Variants in BBX observed in about 807,000 individuals in gnomAD.
BBX encodes the protein HMG box transcription factor BBX.
A neutral mutation model predicts 100.2 loss-of-function variants in BBX; 30 were observed. That is an observed-to-expected ratio of 0.30 (90% CI 0.22 to 0.41). The LOEUF (loss-of-function observed/expected upper bound fraction) is 0.41. Ranked by LOEUF, BBX falls within the 10% of genes least tolerant of loss-of-function variation. BBX has a pLI of 1.00. For missense variants in BBX, 1,023 were observed against 1,129.8 expected (o/e 0.91, Z 1.35); for synonymous variants, 376 against 388.1 (o/e 0.97, Z 0.37).
intron 7 of BBX, among the ~76,000 whole-genome samples, chr3:107,741,814 T>C (rs1343072216): frequency 2.6e-5 from 4 of 152,224 alleles, no homozygotes; most frequent in Non-Finnish European, 2.9e-5. Flanking sequence ...ATGACATTAC[T>C]CAAATGGGAG....
rs369837058 is a variant in BBX, at chr3:107,797,337, A to AATATAT, written c.2354-1164_2354-1159dup. ...TCCTCTTAGTTTAGCTTTTCTTCCA[A>AATATAT]ATATATATATATATATATATATATA... On this transcript the variant is annotated intron_variant, in intron 15 of 17. Transcript: ENST00000325805. Among the ~76,000 whole-genome samples the AATATAT allele has an allele frequency of 6.5e-3, 255 of 39,340 alleles. 24 individuals carry two copies. Among genetic ancestry groups the AATATAT allele is most frequent in the East Asian group, 0.013 (8 of 636 alleles). 25.8% of individuals were successfully genotyped at this position (39,340 alleles called of 152,430 possible).
intron 2 of BBX, among the ~76,000 whole-genome samples, chr3:107,583,920 TTA>T (rs1179977926): frequency 1.1e-5 from 1 of 89,484 alleles, no homozygotes; most frequent in Non-Finnish European, 2.0e-5. Flanking sequence ...AAATTATACT[TTA>T]TATATAATAT....
intron 2 of BBX, among the ~76,000 whole-genome samples, chr3:107,585,142 C>G (rs1028244259): frequency 6.6e-6 from 1 of 151,976 alleles, no homozygotes; most frequent in African/African-American, 2.4e-5. Context: ...CAGTAATCCA[C>G]GTGGAGGAAA....
chr3:107,690,493 T>C (rs960326028), intron 3 of BBX, among the ~76,000 whole-genome samples: 4 of 152,178 alleles, frequency 2.6e-5, no homozygotes, highest in Admixed American at 1.3e-4. Context: ...AAAAATGATA[T>C]TGTATTTGAA....
intron 2 of BBX, among the ~76,000 whole-genome samples, chr3:107,532,939 T>C (rs1389967004): frequency 1.3e-5 from 2 of 152,164 alleles, no homozygotes. Context: ...TGGAAATAGA[T>C]TCACAATCTT....
Position 107,710,456 on chromosome 3 carries a change from C to T in BBX, c.-5C>T, listed in dbSNP as rs371658392. The T allele has an allele frequency of 2.2e-5, 36 of 1,609,466 alleles. No homozygotes were observed. Among genetic ancestry groups the T allele is most frequent in the Admixed American group, 3.4e-5 (2 of 59,634 alleles). On this transcript the variant is annotated 5_prime_UTR_variant, in exon 4 of 18. Coordinates refer to ENST00000325805, the MANE Select transcript of BBX (RefSeq NM_001142568.3). ...CTCTCTCTCTTCCTATTACAGGTCA[C>T]AGTAATGAAAGGCAGTAATAGAAAT...
chr3:107,677,109 A>G (rs1056981028), intron 3 of BBX, among the ~76,000 whole-genome samples: 1 of 152,046 alleles, frequency 6.6e-6, no homozygotes, highest in African/African-American at 2.4e-5. Flanking sequence ...AAACGTTTCT[A>G]GAACATTCCT....
chr3:107,529,996 A>G (rs2048048412), intron 2 of BBX, among the ~76,000 whole-genome samples: 1 of 152,236 alleles, frequency 6.6e-6, no homozygotes, highest in African/African-American at 2.4e-5. Context: ...AAGCATTGAT[A>G]TTACCAAATG....
intron 3 of BBX, among the ~76,000 whole-genome samples, chr3:107,658,262 T>C (rs1027461941): frequency 6.6e-6 from 1 of 152,218 alleles, no homozygotes; most frequent in East Asian, 1.9e-4. Flanking sequence ...ATAAATGTAG[T>C]TGTAATATTC....
intron 3 of BBX, among the ~76,000 whole-genome samples, chr3:107,675,742 C>A (rs556297738): frequency 6.6e-6 from 1 of 152,056 alleles, no homozygotes. Context: ...GTCAAGAGAC[C>A]CAGAGCTTAA....
intron 2 of BBX, among the ~76,000 whole-genome samples, chr3:107,539,934 A>T (rs1051633257): frequency 1.3e-5 from 2 of 152,160 alleles, no homozygotes; most frequent in Non-Finnish European, 2.9e-5. Context: ...CACCTAGGAC[A>T]TGGTAAAAGC....
chr3:107,625,570 C>T (rs1576054957), intron 2 of BBX, among the ~76,000 whole-genome samples: 2 of 152,336 alleles, frequency 1.3e-5, no homozygotes, highest in South Asian at 4.1e-4. Flanking sequence ...AGATGGGAGC[C>T]ACCATGCCTG....
At chr3:107,679,838 C>T (rs2059482857) in intron 3 of BBX, among the ~76,000 whole-genome samples, 1 of 152,142 alleles carries the variant, frequency 6.6e-6, no homozygotes, top group African/African-American at 2.4e-5. Context: ...AATTACTCTT[C>T]CCCAAAGCCA....
At chr3:107,679,955 CAG>C (rs1453822332) in intron 3 of BBX, among the ~76,000 whole-genome samples, 8 of 152,298 alleles carry the variant, frequency 5.3e-5, no homozygotes, top group African/African-American at 1.7e-4. Flanking sequence ...CATTTTAAAA[CAG>C]AAAGTCTATC....
chr3:107,687,299 A>G (rs940784123), intron 3 of BBX, among the ~76,000 whole-genome samples: 2 of 151,618 alleles, frequency 1.3e-5, no homozygotes, highest in East Asian at 1.9e-4. Flanking sequence ...CAGCTGTTAC[A>G]GTTTTTCTTA....
At chr3:107,585,927 A>C (rs1487329862) in intron 2 of BBX, among the ~76,000 whole-genome samples, 2 of 152,224 alleles carry the variant, frequency 1.3e-5, no homozygotes, top group African/African-American at 4.8e-5. Flanking sequence ...TTCAGTTTTC[A>C]CTTGGCTATT....
chr3:107,647,049 T>C (rs891858793), intron 3 of BBX, among the ~76,000 whole-genome samples: 2 of 152,186 alleles, frequency 1.3e-5, no homozygotes, highest in African/African-American at 2.4e-5. Context: ...AATTTAATTA[T>C]TGTTTTTCTT....
intron 3 of BBX, among the ~76,000 whole-genome samples, chr3:107,678,490 G>A (rs1024452195): frequency 1.3e-5 from 2 of 152,168 alleles, no homozygotes; most frequent in Middle Eastern, 3.4e-3. Flanking sequence ...GAGGCAAGCC[G>A]AAGCAGGAGG....
intron 2 of BBX, among the ~76,000 whole-genome samples, chr3:107,580,932 A>G (rs1354073683): frequency 1.3e-5 from 2 of 152,228 alleles, no homozygotes; most frequent in African/African-American, 4.8e-5. Context: ...CACCCAGCAC[A>G]GTCAATATTT....
Sources: allele counts gnomAD v4.1 joint callset (sites outside exome capture counted in the v4.1 genomes callset), GRCh38; gene constraint gnomAD v4.1.1; transcripts MANE v1.5; gene names NCBI Gene and HGNC (gene_info 2026-07-23, HGNC 2026-07-21).